Variants in ADGRD1 observed in about 807,000 individuals in gnomAD.
The protein encoded by ADGRD1 is adhesion G protein-coupled receptor D1, also known as G-protein coupled receptor 133.
ADGRD1 carries 77 observed loss-of-function variants against 113.4 expected under a neutral mutation model. The observed-to-expected ratio is 0.68, with a 90% CI of 0.57 to 0.82. ADGRD1 has a LOEUF of 0.82. Ranked by LOEUF, ADGRD1 falls within the 40% of genes least tolerant of loss-of-function variation. The pLI, the probability that ADGRD1 is intolerant of heterozygous loss-of-function variation, is 0.00. For missense variants in ADGRD1, 1,036 were observed against 1,139.1 expected (o/e 0.91, Z 1.30); for synonymous variants, 474 against 475.0 (o/e 1.00, Z 0.03).
chr12:131,026,483 T>C (rs1343587422), intron 13 of ADGRD1: 5 of 152,210 alleles, frequency 3.3e-5, no homozygotes, highest in Admixed American at 1.3e-4. Context: ...CCGGAGCGCT[T>C]TCTGACCGTG....
rs767455903 is a variant in ADGRD1 at position 131,000,464 on chromosome 12, G to A, written c.1026+22G>A. The A allele has an allele frequency of 1.3e-5, 20 of 1,588,634 alleles. No individual in the cohort carries two copies. The Admixed American group carries it at 1.7e-4, about 13-fold the overall frequency. On this transcript the variant is annotated intron_variant, in intron 9 of 24. Coordinates refer to ENST00000261654, the MANE Select transcript of ADGRD1 (RefSeq NM_198827.5). ...AGAGGTAAGAGAAAAGAACATGGTC[G>A]GTCATGGTGGCTCATACCTATAATC...
At chr12:131,135,926 C>T in intron 21 of ADGRD1, 111 bp from the exon 22 acceptor site, 1 of 1,189,448 alleles carries the variant, frequency 8.4e-7, no homozygotes. Flanking sequence ...GGTCTTGCTC[C>T]CGGCAGGGCG....
chr12:131,002,909 G>C (rs148101906), intron 9 of ADGRD1: 2 of 837,420 alleles, frequency 2.4e-6, no homozygotes, highest in African/African-American at 1.7e-5. Flanking sequence ...CAGGAGTTGG[G>C]TCCCCTCAGT....
intron 4 of ADGRD1, chr12:130,980,545 A>T (rs986660503): frequency 2.6e-5 from 4 of 151,822 alleles, no homozygotes; most frequent in African/African-American, 9.7e-5. Flanking sequence ...CTACAGGTGC[A>T]TGCCACCACA....
chr12:131,073,367 C>A (rs1169145422), intron 13 of ADGRD1, among the ~76,000 whole-genome samples: 1 of 152,206 alleles, frequency 6.6e-6, no homozygotes, highest in Non-Finnish European at 1.5e-5. Context: ...AGCCCTGAAC[C>A]CTGTTTAGTT....
intron 13 of ADGRD1, among the ~76,000 whole-genome samples, chr12:131,058,281 C>T (rs1566072374): frequency 6.6e-6 from 1 of 152,092 alleles, no homozygotes; most frequent in Admixed American, 6.5e-5. Context: ...TCTAGGGAAG[C>T]GTCGTGAGCG....
chr12:131,074,338 C>A (rs1423931999), intron 13 of ADGRD1, among the ~76,000 whole-genome samples: 1 of 152,202 alleles, frequency 6.6e-6, no homozygotes, highest in Non-Finnish European at 1.5e-5. Flanking sequence ...TGTGAGGAGG[C>A]CTTCACTTCT....
intron 18 of ADGRD1, among the ~76,000 whole-genome samples, chr12:131,117,747 A>G (rs1950503127): frequency 1.3e-5 from 2 of 152,220 alleles, no homozygotes; most frequent in Admixed American, 1.3e-4. Flanking sequence ...TAAGGAAATT[A>G]TGGGCTCAAA....
intron 2 of ADGRD1, among the ~76,000 whole-genome samples, chr12:130,963,349 A>C (rs866947655): frequency 6.7e-6 from 1 of 149,700 alleles, no homozygotes; most frequent in Non-Finnish European, 1.5e-5. Flanking sequence ...AAAAGAAAGA[A>C]AAATTCAAAT....
intron 14 of ADGRD1, among the ~76,000 whole-genome samples, chr12:131,080,598 C>T (rs906533300): frequency 3.3e-5 from 5 of 151,878 alleles, no homozygotes; most frequent in Non-Finnish European, 5.9e-5. Flanking sequence ...GTGGATTTAC[C>T]TATGTCTACT....
In ADGRD1 at chr12:130,984,471, AT is replaced by A. The variant is rs968538659; in HGVS notation, c.490+2412del. ...CTGTATTGCTGTTAGATTTTAATAG[AT>A]TTTATTTTTTAGAACAGTTTTAGAT... On this transcript the variant is annotated intron_variant, in intron 5 of 24. Coordinates refer to ENST00000261654, the MANE Select transcript of ADGRD1 (RefSeq NM_198827.5). This position sits in a 1 kb window ranked among gnomAD's most constrained non-coding sequence, Gnocchi z 4.1. Among the ~76,000 whole-genome samples, 1 of 152,094 alleles carries A rather than the reference AT, an allele frequency of 6.6e-6. No individual in the cohort carries two copies. The highest frequency in any genetic ancestry group is 1.5e-5 in the Non-Finnish European group (1 of 68,020).
At chr12:130,989,800 C>T (rs950421022) in intron 6 of ADGRD1, 7 of 152,298 alleles carry the variant, frequency 4.6e-5, no homozygotes, top group African/African-American at 1.4e-4. Context: ...TTTCCTGATA[C>T]AAAGGCACAG....
chr12:131,006,546 GC>G (rs1877145031), intron 12 of ADGRD1, among the ~76,000 whole-genome samples: 1 of 152,200 alleles, frequency 6.6e-6, no homozygotes, highest in Non-Finnish European at 1.5e-5. Context: ...TGCTCTGTCT[GC>G]CCCCTGCCTC....
chr12:131,138,173 T>C lies in ADGRD1; in HGVS notation c.2473T>C (p.Ser825Pro). 1 of 1,613,698 alleles carries C rather than the reference T, an allele frequency of 6.2e-7. No individual in the cohort carries two copies. The highest frequency in any genetic ancestry group is 8.5e-7 in the Non-Finnish European group (1 of 1,179,966). ...AAFKHKTKVWSLTSSSARTSN... is the reference protein window; with the variant it reads ...AAFKHKTKVWPLTSSSARTSN... ...CTTCAAGCACAAAACCAAGGTCTGG[T>C]CGCTCACGAGCAGCTCTGCCCGCAC... is the stretch of plus-strand genomic sequence containing the variant. The change falls in exon 24 of 25, where the codon TCG becomes CCG. Residue 825 changes from serine (S) to proline (P), a missense_variant. Transcript: ENST00000261654.
chr12:131,124,748 A>G (rs1022719667), intron 20 of ADGRD1, among the ~76,000 whole-genome samples: 2 of 138,026 alleles, frequency 1.4e-5, no homozygotes, highest in African/African-American at 5.1e-5. Flanking sequence ...CGGCTCTAAC[A>G]CACACTGCCC....
At chr12:130,995,582 C>T (rs984984992) in intron 8 of ADGRD1, among the ~76,000 whole-genome samples, 5 of 152,234 alleles carry the variant, frequency 3.3e-5, no homozygotes, top group East Asian at 3.9e-4. Context: ...CTGAATGCAC[C>T]GCCTCCTCTG....
At chr12:131,093,931 A>AAGCACCCAGCCTCAGC in intron 15 of ADGRD1, among the ~76,000 whole-genome samples, 1 of 103,096 alleles carries the variant, frequency 9.7e-6, no homozygotes, top group Non-Finnish European at 2.1e-5. Flanking sequence ...GCTCAGGCCC[A>AAGCACCCAGCCTCAGC]AGCACCCAGC....
intron 20 of ADGRD1, among the ~76,000 whole-genome samples, chr12:131,125,903 G>T (rs942518399): frequency 3.3e-5 from 5 of 152,152 alleles, no homozygotes; most frequent in Non-Finnish European, 5.9e-5. Context: ...GTTGAATACT[G>T]GAAGTGAAAA....
At chr12:131,064,977 C>A (rs1309759539) in intron 13 of ADGRD1, among the ~76,000 whole-genome samples, 1 of 152,338 alleles carries the variant, frequency 6.6e-6, no homozygotes, top group South Asian at 2.1e-4. Context: ...ACAGGATGAG[C>A]AGCACTAGGC....
Sources: gnomAD v4.1 joint callset for allele counts (sites outside exome capture counted in the v4.1 genomes callset) on GRCh38, gnomAD v4.1.1 for gene constraint, Gnocchi (gnomAD v3.1) non-coding constraint, MANE v1.5 for transcripts, NCBI Gene and HGNC (gene_info 2026-07-23, HGNC 2026-07-21) for gene names.